ZCCHC7: variants seen among roughly 807,000 people sequenced by gnomAD.
The protein encoded by ZCCHC7 is zinc finger CCHC-type containing 7.
In ZCCHC7, 35 loss-of-function variants were observed where a neutral mutation model predicts 52.0. The ratio of observed to expected loss-of-function variants is 0.67; its 90% CI spans 0.51 to 0.89. The LOEUF (loss-of-function observed/expected upper bound fraction) is 0.89. Ranked by LOEUF, ZCCHC7 falls within the 40% of genes least tolerant of loss-of-function variation. The pLI is 0.00. For missense variants in ZCCHC7, 574 were observed against 649.1 expected, an observed-to-expected ratio of 0.88 and a Z score of 1.26; for synonymous variants, 217 against 221.5, an observed-to-expected ratio of 0.98 and a Z score of 0.18.
intron 2 of ZCCHC7, among the ~76,000 whole-genome samples, chr9:37,197,084 A>G (rs1823328008): frequency 6.6e-6 from 1 of 152,206 alleles, no homozygotes; most frequent in African/African-American, 2.4e-5. Flanking sequence ...AGAAAAGGTC[A>G]CTATGTTTTA....
At chr9:37,172,159 C>A (rs1027781176) in intron 2 of ZCCHC7, among the ~76,000 whole-genome samples, 2 of 152,162 alleles carry the variant, frequency 1.3e-5, no homozygotes, top group Non-Finnish European at 2.9e-5. Context: ...GGATTATTTG[C>A]AAATTACATG....
chr9:37,319,150 T>C (rs1382346170), intron 5 of ZCCHC7, among the ~76,000 whole-genome samples: 1 of 133,756 alleles, frequency 7.5e-6, no homozygotes, highest in African/African-American at 2.8e-5. Context: ...GAATATCCTT[T>C]CATGCACGCA....
At chr9:37,340,768 A>G (rs555228158) in intron 6 of ZCCHC7, among the ~76,000 whole-genome samples, 1 of 152,308 alleles carries the variant, frequency 6.6e-6, no homozygotes. Flanking sequence ...AGTTTTCAGT[A>G]GTGTATTCTA....
chr9:37,254,831 A>C (rs1324244255), intron 2 of ZCCHC7, among the ~76,000 whole-genome samples: 1 of 28,576 alleles, frequency 3.5e-5, no homozygotes, highest in African/African-American at 1.1e-4. Flanking sequence ...AATGCTCAAA[A>C]AGTTTCTTTT....
intron 6 of ZCCHC7, among the ~76,000 whole-genome samples, chr9:37,332,038 GCCTACTT>G (rs1264784685): frequency 1.3e-5 from 2 of 151,432 alleles, no homozygotes; most frequent in African/African-American, 2.4e-5. Context: ...AACTTACTTT[GCCTACTT>G]CCTCAAGAAC....
chr9:37,215,549 T>C (rs1311148753), intron 2 of ZCCHC7, among the ~76,000 whole-genome samples: 1 of 152,220 alleles, frequency 6.6e-6, no homozygotes, highest in Non-Finnish European at 1.5e-5. Flanking sequence ...GAGTGCAGGC[T>C]CTCCTGCTTT....
chr9:37,335,946 AT>A (rs1024430722), intron 6 of ZCCHC7, among the ~76,000 whole-genome samples: 1 of 152,180 alleles, frequency 6.6e-6, no homozygotes, highest in Non-Finnish European at 1.5e-5. Flanking sequence ...ATAGTTCTCT[AT>A]CATAAGCAAA....
At chr9:37,204,235 A>T (rs888617150) in intron 2 of ZCCHC7, among the ~76,000 whole-genome samples, 4 of 151,816 alleles carry the variant, frequency 2.6e-5, no homozygotes, top group Non-Finnish European at 4.4e-5. Flanking sequence ...GATTGCAAAA[A>T]TTTTCTCCCA....
chr9:37,274,617 G>A (rs988792814), intron 2 of ZCCHC7, among the ~76,000 whole-genome samples: 3 of 152,012 alleles, frequency 2.0e-5, no homozygotes, highest in African/African-American at 4.8e-5. Flanking sequence ...GGGATTACAG[G>A]CATGAGCCAC....
At chr9:37,294,802 T>G in intron 2 of ZCCHC7, among the ~76,000 whole-genome samples, 1 of 152,180 alleles carries the variant, frequency 6.6e-6, no homozygotes, top group East Asian at 1.9e-4. Flanking sequence ...AGATATGGTC[T>G]CAGTCCATAG....
intron 5 of ZCCHC7, among the ~76,000 whole-genome samples, chr9:37,308,428 T>A (rs147642764): frequency 1.6e-4 from 24 of 152,270 alleles, no homozygotes; most frequent in Non-Finnish European, 2.6e-4. Flanking sequence ...TAAGACATTA[T>A]CATAGGCAAT....
Position 37,279,539 on chromosome 9 carries a change from T to A in ZCCHC7, c.611-22649T>A, listed in dbSNP as rs1827848986. 2.6e-5 allele frequency among the ~76,000 whole-genome samples: 4 copies of A among 151,976 alleles called. No individual in the cohort carries two copies. The South Asian group carries it at 8.3e-4, about 32-fold the overall frequency. On this transcript the variant is annotated intron_variant, in intron 2 of 8. Coordinates refer to ENST00000336755, the MANE Select transcript of ZCCHC7 (RefSeq NM_032226.3). ...GGACAGAGTAATAAAAAGCAGTAAT[T>A]GAAAGATCTAAATGTGGACATATTG...
intron 2 of ZCCHC7, among the ~76,000 whole-genome samples, chr9:37,282,388 G>A (rs149046150): frequency 6.6e-6 from 1 of 152,038 alleles, no homozygotes; most frequent in African/African-American, 2.4e-5. Flanking sequence ...CGGATCACTA[G>A]GTCAAGGAGA....
chr9:37,261,685 A>G (rs150205603), intron 2 of ZCCHC7, among the ~76,000 whole-genome samples: 168 of 151,934 alleles, frequency 1.1e-3, no homozygotes, highest in Non-Finnish European at 1.8e-3. Context: ...TGGAAGTACT[A>G]CTTTAAACTT....
intron 2 of ZCCHC7, among the ~76,000 whole-genome samples, chr9:37,283,930 T>G (rs1290393271): frequency 6.6e-6 from 1 of 152,072 alleles, no homozygotes; most frequent in Admixed American, 6.6e-5. Flanking sequence ...CTGAGCTGCT[T>G]ATTTTTTTTT....
intron 2 of ZCCHC7, among the ~76,000 whole-genome samples, chr9:37,300,658 A>C (rs10114166): frequency 0.031 from 4,750 of 152,308 alleles, 175 homozygotes; most frequent in African/African-American, 0.078. Context: ...ATGTCTCTTC[A>C]AAAGCCTTTC....
intron 7 of ZCCHC7, among the ~76,000 whole-genome samples, chr9:37,350,758 A>G (rs1056924557): frequency 1.3e-5 from 2 of 152,256 alleles, no homozygotes; most frequent in Non-Finnish European, 2.9e-5. Flanking sequence ...AAAGGATGTA[A>G]TAAGAATAGG....
At chr9:37,130,091 T>G (rs1231917520) in intron 2 of ZCCHC7, among the ~76,000 whole-genome samples, 1 of 151,826 alleles carries the variant, frequency 6.6e-6, no homozygotes, top group Admixed American at 6.6e-5. Context: ...ATAAATAAAT[T>G]AGCTGGGAGT....
At chr9:37,175,129 A>G (rs1019337340) in intron 2 of ZCCHC7, among the ~76,000 whole-genome samples, 2 of 151,928 alleles carry the variant, frequency 1.3e-5, no homozygotes, top group African/African-American at 4.8e-5. Context: ...AAAAAAAAAA[A>G]GGAATATTTG....
Sources: allele counts gnomAD v4.1 joint callset (sites outside exome capture counted in the v4.1 genomes callset), GRCh38; gene constraint gnomAD v4.1.1; transcripts MANE v1.5; gene names NCBI Gene and HGNC (gene_info 2026-07-23, HGNC 2026-07-21).